The following RAB35 variants were observed in gnomAD, a reference collection of about 807,000 sequenced individuals.
RAB35 encodes RAB35, member RAS oncogene family.
Under a neutral mutation model 28.9 loss-of-function variants are expected in RAB35, and 4 were observed. That is an observed-to-expected ratio of 0.14 (90% CI 0.07 to 0.32). The LOEUF is 0.32. RAB35 is among the 10% of genes least tolerant of loss of function. The pLI, the probability that RAB35 is intolerant of heterozygous loss-of-function variation, is 1.00. For synonymous variants in RAB35, 99 were observed against 105.1 expected (o/e 0.94, Z 0.35); for missense variants, 128 against 274.0 (o/e 0.47, Z 3.76).
At chr12:120,102,160 G>A (rs1363764607) in intron 3 of RAB35, among the ~76,000 whole-genome samples, 1 of 152,230 alleles carries the variant, frequency 6.6e-6, no homozygotes, top group East Asian at 1.9e-4. Flanking sequence ...CACTGAGTTA[G>A]GAGGCTTCAT....
intron 2 of RAB35, among the ~76,000 whole-genome samples, chr12:120,107,784 T>C (rs1342527354): frequency 6.8e-6 from 1 of 147,026 alleles, no homozygotes; most frequent in Non-Finnish European, 1.5e-5. Context: ...GGAGAATTGC[T>C]TGAACCCAGG....
intron 1 of RAB35, among the ~76,000 whole-genome samples, chr12:120,114,431 G>T (rs1264590524): frequency 1.3e-5 from 2 of 152,238 alleles, no homozygotes; most frequent in African/African-American, 4.8e-5. Context: ...TCACACAGGG[G>T]GCGGGTGAGA....
chr12:120,103,590 C>T lies in RAB35; in HGVS notation c.227+236G>A, dbSNP rs1661836067. 6.6e-6 allele frequency among the ~76,000 whole-genome samples: 1 copy of T among 152,250 alleles called. No individual in the cohort carries two copies. The highest frequency in any genetic ancestry group is 2.1e-4 in the South Asian group (1 of 4,836). On this transcript the variant is annotated intron_variant, in intron 3 of 5. Coordinates refer to ENST00000229340, the MANE Select transcript of RAB35 (RefSeq NM_006861.7). The surrounding 1 kb of genome is among the most constrained non-coding windows in gnomAD (Gnocchi z 6.1). ...TCTCCAAGGAGATAGAACATGGCCA[C>T]TGTCCGGCCAGACTCCAGCCAGGGT... is the stretch of plus-strand genomic sequence containing the variant.
chr12:120,099,774 G>C (rs1279036549), intron 3 of RAB35, among the ~76,000 whole-genome samples: 3 of 152,186 alleles, frequency 2.0e-5, no homozygotes, highest in Non-Finnish European at 2.9e-5. Flanking sequence ...GCAGAGCCCA[G>C]GGCCAGCCAG....
chr12:120,098,904 C>G lies in RAB35; in HGVS notation c.384G>C (p.Lys128Asn). ...VGNKNDDPER[K>N]VVETEDAYKF... is the part of the protein sequence containing the mutation. Reference sequence around the variant, plus strand: ...TGTAGGCATCTTCCGTCTCCACCACCTTCCGCTCAGGGTCGTCATTCTTAT... The same window carrying G: ...TGTAGGCATCTTCCGTCTCCACCACGTTCCGCTCAGGGTCGTCATTCTTAT... Residue 128 changes from lysine to asparagine, a missense_variant, in exon 5 of 6, where the codon AAG (lysine) becomes AAC (asparagine). By Grantham distance (94) the Lys-to-Asn change is moderately conservative (BLOSUM62 0). Coordinates refer to ENST00000229340, the MANE Select transcript of RAB35 (RefSeq NM_006861.7). The G allele has an allele frequency of 6.2e-7, 1 of 1,614,258 alleles. No homozygotes were observed. Among genetic ancestry groups the G allele is most frequent in the Non-Finnish European group, 8.5e-7 (1 of 1,180,046 alleles).
At position 120,103,958 on chromosome 12, in the gene RAB35, A is replaced by C. The variant is rs746397232; in HGVS notation, c.104-9T>G. The C allele has an allele frequency of 3.2e-5, 52 of 1,613,738 alleles. No individual in the cohort carries two copies. In the Admixed American group the frequency reaches 6.3e-4, roughly 20 times the overall value. On this transcript the variant is annotated splice_polypyrimidine_tract_variant and intron_variant, in intron 2 of 5. Coordinates refer to ENST00000229340, the MANE Select transcript of RAB35 (RefSeq NM_006861.7). The surrounding 1 kb of genome is among the most constrained non-coding windows in gnomAD (Gnocchi z 6.1). ...CGTGGTGATGTAGCTGCCTGCACACACAGGGCAGTTAACGAGGCCCAGCGC... is the reference window on the plus strand; with the variant it reads ...CGTGGTGATGTAGCTGCCTGCACACCCAGGGCAGTTAACGAGGCCCAGCGC...
At chr12:120,098,675 G>T in intron 5 of RAB35, 136 bp downstream of exon 5, 2 of 1,232,970 alleles carry the variant, frequency 1.6e-6, no homozygotes, top group Non-Finnish European at 2.2e-6. Flanking sequence ...TAAAGGGCCT[G>T]GCACATAGTA....
At chr12:120,116,255 G>A (rs1219641709) in intron 1 of RAB35, among the ~76,000 whole-genome samples, 1 of 152,144 alleles carries the variant, frequency 6.6e-6, no homozygotes, top group Non-Finnish European at 1.5e-5. Context: ...GGCTCAGGAC[G>A]GCGAAGCAAC....
At position 120,102,187 on chromosome 12, in the gene RAB35, T is replaced by C. The variant is rs1229093043; in HGVS notation, c.227+1639A>G. On this transcript the variant is annotated intron_variant, in intron 3 of 5. Coordinates refer to ENST00000229340, the MANE Select transcript of RAB35 (RefSeq NM_006861.7). The stretch of plus-strand genomic sequence containing the variant: ...AGGCTTCATCCTCCCTGGGCCTGTT[T>C]TCCTGTCCATAAAATGGAGATAGTC... 1.3e-5 allele frequency among the ~76,000 whole-genome samples: 2 copies of C among 152,184 alleles called. 1 individual carries two copies. Among genetic ancestry groups the C allele is most frequent in the Non-Finnish European group, 2.9e-5 (2 of 68,026 alleles).
In RAB35 at chr12:120,097,216, G is replaced by C. The variant is rs763818968; in HGVS notation, c.*29C>G. ...GCCTCGGGCTGGGGGAGGGACCGCA[G>C]TGCAGTCTCTGCAGTGGACTGGGTG... On this transcript the variant is annotated 3_prime_UTR_variant, in exon 6 of 6. Coordinates refer to ENST00000229340, the MANE Select transcript of RAB35 (RefSeq NM_006861.7). 3 of 1,614,196 alleles carry C rather than the reference G, an allele frequency of 1.9e-6. No individual in the cohort carries two copies. Among genetic ancestry groups the C allele is most frequent in the Non-Finnish European group, 1.7e-6 (2 of 1,180,040 alleles).
At chr12:120,107,937 CACA>C in intron 2 of RAB35, among the ~76,000 whole-genome samples, 1 of 140,944 alleles carries the variant, frequency 7.1e-6, no homozygotes, top group Non-Finnish European at 1.5e-5. Context: ...TCGCTGAAAA[CACA>C]ACCAGAAGTC....
At position 120,097,230 on chromosome 12, in the gene RAB35, G is replaced by T; in HGVS notation, c.*15C>A. On this transcript the variant is annotated 3_prime_UTR_variant, in exon 6 of 6. Coordinates refer to ENST00000229340, the MANE Select transcript of RAB35 (RefSeq NM_006861.7). ...GAGGGACCGCAGTGCAGTCTCTGCA[G>T]TGGACTGGGTGCCATTAGCAGCAGC... 1 of 1,614,150 alleles carries T rather than the reference G, an allele frequency of 6.2e-7. No homozygotes were observed. Among genetic ancestry groups the T allele is most frequent in the Non-Finnish European group, 8.5e-7 (1 of 1,180,044 alleles).
intron 3 of RAB35, among the ~76,000 whole-genome samples, chr12:120,102,719 C>A (rs942653077): frequency 1.4e-4 from 22 of 152,202 alleles, no homozygotes; most frequent in African/African-American, 4.8e-4. Context: ...TGCCGAGGGG[C>A]CCGGGGGCAG....
At chr12:120,099,414 G>C (rs1875571444) in intron 3 of RAB35, 3 of 555,014 alleles carry the variant, frequency 5.4e-6, no homozygotes, top group Non-Finnish European at 9.6e-6. Flanking sequence ...GAGCAGGTCT[G>C]AGGAGTCACC....
At chr12:120,104,657 G>GC (rs1875799070) in intron 2 of RAB35, among the ~76,000 whole-genome samples, 1 of 151,602 alleles carries the variant, frequency 6.6e-6, no homozygotes, top group African/African-American at 2.4e-5. Context: ...TTTTTTGGTG[G>GC]GGGGGGGACA....
chr12:120,104,041 A>C (rs1594240541), intron 2 of RAB35, 92 bp from the exon 3 acceptor site: 1 of 1,501,078 alleles, frequency 6.7e-7, no homozygotes, highest in African/African-American at 1.4e-5. Flanking sequence ...AGGCTCCCCC[A>C]CCCTCCCGAC....
At chr12:120,107,184 T>C (rs1359416117) in intron 2 of RAB35, among the ~76,000 whole-genome samples, 3 of 151,102 alleles carry the variant, frequency 2.0e-5, no homozygotes, top group Non-Finnish European at 4.4e-5. Flanking sequence ...AGACGGGGTT[T>C]CACCATGTTG....
chr12:120,111,715 C>T (rs1271256406), intron 1 of RAB35, among the ~76,000 whole-genome samples: 1 of 151,928 alleles, frequency 6.6e-6, no homozygotes, highest in East Asian at 1.9e-4. Flanking sequence ...AGAAAGACCA[C>T]AACCATCACC....
intron 1 of RAB35, among the ~76,000 whole-genome samples, chr12:120,108,865 C>G (rs988567093): frequency 6.6e-6 from 1 of 152,232 alleles, no homozygotes; most frequent in Non-Finnish European, 1.5e-5. Context: ...CACGTTGTAG[C>G]ACATCAGTTA....
Sources: allele counts gnomAD v4.1 joint callset (sites outside exome capture counted in the v4.1 genomes callset), GRCh38; gene constraint gnomAD v4.1.1; non-coding constraint Gnocchi (gnomAD v3.1); transcripts MANE v1.5; gene names NCBI Gene and HGNC (gene_info 2026-07-23, HGNC 2026-07-21).